The following SORCS2 variants were observed in gnomAD, a reference collection of about 807,000 sequenced individuals.
SORCS2 encodes sortilin related VPS10 domain containing receptor 2, also known as VPS10 domain-containing receptor SorCS2.
In SORCS2, 100 loss-of-function variants were observed where a neutral mutation model predicts 141.6. That is an observed-to-expected ratio of 0.71 (90% confidence interval 0.60 to 0.83). The LOEUF is 0.83. Among genes scored for constraint, SORCS2 ranks in the 40% least tolerant of loss-of-function variants. The pLI is 0.00. For missense variants in SORCS2, 1,646 were observed against 1,560.2 expected (o/e 1.05, Z -0.93); for synonymous variants, 789 against 676.9 (o/e 1.17, Z -2.57).
At chr4:7,323,851 G>A (rs951485288) in intron 1 of SORCS2, among the ~76,000 whole-genome samples, 1 of 151,940 alleles carries the variant, frequency 6.6e-6, no homozygotes, top group Non-Finnish European at 1.5e-5. Context: ...CCAAGCCCCT[G>A]GAGAGCTGGG....
chr4:7,473,350 T>C lies in SORCS2; in HGVS notation c.549-58180T>C, dbSNP rs947471976. ...AGCCCTCAGCCCAGGGGCAATTGGG[T>C]GCCTACAGGGACCCTGGTAATGTGG... is the stretch of plus-strand genomic sequence containing the variant. On this transcript the variant is annotated intron_variant, in intron 2 of 26. Transcript: ENST00000507866. Among the ~76,000 whole-genome samples the C allele has an allele frequency of 1.2e-4, 18 of 152,062 alleles. No individual in the cohort carries two copies. In the South Asian group the frequency reaches 1.2e-3, roughly 11 times the overall value.
At chr4:7,403,997 A>ATATATATATATATATATTTTTTT (rs1265288820) in intron 2 of SORCS2, among the ~76,000 whole-genome samples, 1 of 19,006 alleles carries the variant, frequency 5.3e-5, no homozygotes, top group Non-Finnish European at 1.2e-4. Flanking sequence ...ATATATATAT[A>ATATATATATATATATATTTTTTT]TTTTTTTTTT....
intron 1 of SORCS2, among the ~76,000 whole-genome samples, chr4:7,216,659 G>T (rs532038204): frequency 6.6e-6 from 1 of 152,170 alleles, no homozygotes; most frequent in South Asian, 2.1e-4. Flanking sequence ...CTCCTTCTCT[G>T]GCTCTGACCC....
intron 2 of SORCS2, among the ~76,000 whole-genome samples, chr4:7,487,308 G>T (rs71601847): frequency 1.0e-3 from 152 of 152,324 alleles, no homozygotes; most frequent in Non-Finnish European, 1.8e-3. Context: ...TTGGCCCACA[G>T]TCACCAGAGG....
intron 2 of SORCS2, chr4:7,433,667 C>T (rs769676058): frequency 1.9e-6 from 3 of 1,609,702 alleles, no homozygotes; most frequent in Non-Finnish European, 2.5e-6. Context: ...TGGGAGGACA[C>T]CGTGAGCAGC....
chr4:7,591,086 G>A lies in SORCS2; in HGVS notation c.649-47242G>A, dbSNP rs143900410. Among the ~76,000 whole-genome samples, 87 of 152,244 alleles carry A rather than the reference G, an allele frequency of 5.7e-4. No homozygotes were observed. The South Asian group carries it at 0.013, about 22-fold the overall frequency. Reference sequence around the variant, plus strand: ...AATGGAGGAAACTGACGCTCATAGCGCCCAGCAGATGGGATGAAGTGGGCA... The same window carrying A: ...AATGGAGGAAACTGACGCTCATAGCACCCAGCAGATGGGATGAAGTGGGCA... On this transcript the variant is annotated intron_variant, in intron 3 of 26. Coordinates refer to ENST00000507866, the MANE Select transcript of SORCS2 (RefSeq NM_020777.3).
chr4:7,737,809 C>T (rs558741175), intron 26 of SORCS2, among the ~76,000 whole-genome samples: 29 of 152,212 alleles, frequency 1.9e-4, no homozygotes, highest in Non-Finnish European at 1.6e-4. Context: ...TGCTCGCTGT[C>T]AGGGTCTCTC....
Position 7,682,724 on chromosome 4 carries a change from T to A in SORCS2, c.1342-19T>A, listed in dbSNP as rs767202032. 47 of 1,598,284 alleles carry A rather than the reference T, an allele frequency of 2.9e-5. No individual in the cohort carries two copies. The highest frequency in any genetic ancestry group is 3.9e-5 in the Non-Finnish European group (46 of 1,172,174). ...TGCTCCAGTGTAAGTTTACAGTCCT[T>A]CTTTTATTTTTGTCCCAGGTCAGAG... On this transcript the variant is annotated intron_variant, in intron 9 of 26. Transcript: ENST00000507866.
chr4:7,396,618 G>T (rs1482835627), intron 2 of SORCS2, among the ~76,000 whole-genome samples: 1 of 152,140 alleles, frequency 6.6e-6, no homozygotes, highest in African/African-American at 2.4e-5. Context: ...TTTTCTCCCC[G>T]CTTCCTTTTT....
At chr4:7,303,523 C>T (rs1482064508) in intron 1 of SORCS2, among the ~76,000 whole-genome samples, 1 of 152,164 alleles carries the variant, frequency 6.6e-6, no homozygotes, top group Non-Finnish European at 1.5e-5. Context: ...AACTCTGGTT[C>T]TTTCTTTCAG....
chr4:7,562,968 G>A (rs1267529943), intron 3 of SORCS2, among the ~76,000 whole-genome samples: 1 of 152,176 alleles, frequency 6.6e-6, no homozygotes, highest in Non-Finnish European at 1.5e-5. Flanking sequence ...TCCCAAATAA[G>A]GTCACATTCT....
At chr4:7,273,528 A>G (rs1451160326) in intron 1 of SORCS2, among the ~76,000 whole-genome samples, 2 of 152,210 alleles carry the variant, frequency 1.3e-5, no homozygotes, top group South Asian at 2.1e-4. Flanking sequence ...AGGTGTGCCC[A>G]GTAATCAGCC....
intron 2 of SORCS2, among the ~76,000 whole-genome samples, chr4:7,508,989 C>A (rs748495979): frequency 3.3e-5 from 5 of 152,200 alleles, no homozygotes; most frequent in African/African-American, 9.7e-5. Flanking sequence ...GTGAACCTCG[C>A]GGAGACTGGG....
At chr4:7,500,955 C>A (rs151213812) in intron 2 of SORCS2, among the ~76,000 whole-genome samples, 85 of 152,342 alleles carry the variant, frequency 5.6e-4, no homozygotes, top group African/African-American at 2.0e-3. Flanking sequence ...GTTTGGCCTT[C>A]CCAGGGAGCT....
intron 3 of SORCS2, among the ~76,000 whole-genome samples, chr4:7,570,741 T>A (rs560997007): frequency 6.6e-6 from 1 of 152,268 alleles, no homozygotes; most frequent in South Asian, 2.1e-4. Context: ...GCAAGCCTTT[T>A]CATCTCCAGG....
intron 1 of SORCS2, among the ~76,000 whole-genome samples, chr4:7,290,472 G>T (rs1577360090): frequency 6.6e-6 from 1 of 152,144 alleles, no homozygotes; most frequent in African/African-American, 2.4e-5. Context: ...TCCCTTCCTG[G>T]ATTTTTCTCC....
At chr4:7,288,237 C>T (rs1205871400) in intron 1 of SORCS2, among the ~76,000 whole-genome samples, 2 of 152,158 alleles carry the variant, frequency 1.3e-5, no homozygotes, top group African/African-American at 4.8e-5. Flanking sequence ...AGCTGGACCA[C>T]GAGAACTTGA....
At position 7,382,858 on chromosome 4, in the gene SORCS2, G is replaced by A. The variant is rs142083721; in HGVS notation, c.481-13430G>A. ...ACGCCTCCTGCTGGCACAGGGCTCC[G>A]TGCCAGGGTCCGCACAACATCAACG... On this transcript the variant is annotated intron_variant, in intron 1 of 26. Coordinates refer to ENST00000507866, the MANE Select transcript of SORCS2 (RefSeq NM_020777.3). Among the ~76,000 whole-genome samples, 566 of 152,230 alleles carry A rather than the reference G, an allele frequency of 3.7e-3. 6 individuals carry two copies. The highest frequency in any genetic ancestry group is 4.2e-3 in the Non-Finnish European group (285 of 68,016).
intron 3 of SORCS2, among the ~76,000 whole-genome samples, chr4:7,623,871 G>A (rs1295378544): frequency 1.3e-5 from 2 of 152,164 alleles, no homozygotes; most frequent in Admixed American, 6.5e-5. Flanking sequence ...GTTCAATGGA[G>A]GCTGAAATCA....
Sources: gnomAD v4.1 joint callset for allele counts (sites outside exome capture counted in the v4.1 genomes callset) on GRCh38, gnomAD v4.1.1 for gene constraint, MANE v1.5 for transcripts, NCBI Gene and HGNC (gene_info 2026-07-23, HGNC 2026-07-21) for gene names.